TPM4: variants seen among roughly 807,000 people sequenced by gnomAD.
TPM4 encodes tropomyosin alpha-4 chain.
In TPM4, 17 loss-of-function variants were observed where a neutral mutation model predicts 35.8. That is an observed-to-expected ratio of 0.47 (90% CI 0.32 to 0.71). The LOEUF (loss-of-function observed/expected upper bound fraction) is 0.71, where lower values mean the gene tolerates loss of function less well. Among genes scored for constraint, TPM4 ranks in the 30% least tolerant of loss-of-function variants. TPM4 has a pLI of 0.03. For missense variants in TPM4, 240 were observed against 320.9 expected (o/e 0.75, Z 1.93); for synonymous variants, 120 against 122.9 (o/e 0.98, Z 0.15).
At chr19:16,079,736 G>T (rs767319786) in intron 1 of TPM4, 1 of 182,142 alleles carries the variant, frequency 5.5e-6, no homozygotes, top group East Asian at 8.9e-5. Context: ...ATCTTGCTCT[G>T]TTACCCAGGC....
chr19:16,090,813 G>A (rs1012105196), intron 5 of TPM4, among the ~76,000 whole-genome samples: 3 of 148,776 alleles, frequency 2.0e-5, no homozygotes, highest in Non-Finnish European at 4.4e-5. Flanking sequence ...TATCTGTAGT[G>A]TGTGTGTGTA....
intron 3 of TPM4, 95 bp downstream of exon 3, chr19:16,086,635 TC>T: frequency 9.9e-7 from 1 of 1,014,350 alleles, no homozygotes; most frequent in Non-Finnish European, 1.5e-6. Context: ...AAGGAAGCTC[TC>T]GGTTAGGTCA....
upstream of TPM4, chr19:16,076,134 C>T (rs754149474): frequency 9.5e-6 from 15 of 1,579,482 alleles, no homozygotes; most frequent in Middle Eastern, 5.0e-4. Context: ...GAAGGACGCG[C>T]AGGAGAAGCT....
At chr19:16,080,856 C>T (rs1442631679) in intron 1 of TPM4, 2 of 394,352 alleles carry the variant, frequency 5.1e-6, no homozygotes, top group Non-Finnish European at 8.9e-6. Flanking sequence ...TCCAGCCCAG[C>T]ACTTTTTGGC....
chr19:16,086,843 G>A (rs998708825), intron 3 of TPM4, among the ~76,000 whole-genome samples: 20 of 152,188 alleles, frequency 1.3e-4, no homozygotes, highest in African/African-American at 4.8e-4. Flanking sequence ...AAGCCATGGA[G>A]TTTCAGACCA....
In TPM4 at chr19:16,101,488, T is replaced by C. The variant is rs2090763294; in HGVS notation, c.*142T>C. 1 of 553,646 alleles carries C rather than the reference T, an allele frequency of 1.8e-6. No individual in the cohort carries two copies. The highest frequency in any genetic ancestry group is 2.0e-5 in the African/African-American group (1 of 51,280). The allele number at this position is 553,646 out of a possible 1,614,324, so 34.3% of individuals were successfully genotyped here. On this transcript the variant is annotated 3_prime_UTR_variant, in exon 8 of 8. Transcript: ENST00000643579. ...AATTATGAATACATGACCAAATATT[T>C]TGTATCGGAGAAGCTTTGAGCACCA...
At chr19:16,087,396 G>T (rs930366559) in intron 3 of TPM4, among the ~76,000 whole-genome samples, 1 of 152,184 alleles carries the variant, frequency 6.6e-6, no homozygotes, top group African/African-American at 2.4e-5. Context: ...GGCCAACGTG[G>T]TGAAACCCTG....
At chr19:16,092,030 G>T (rs2090633017) in intron 5 of TPM4, among the ~76,000 whole-genome samples, 1 of 151,994 alleles carries the variant, frequency 6.6e-6, no homozygotes, top group Admixed American at 6.6e-5. Flanking sequence ...AATTAGCTGG[G>T]CATGGTGGTG....
chr19:16,074,336 A>T (rs73515769), upstream of TPM4: 1 of 152,212 alleles, frequency 6.6e-6, no homozygotes, highest in Non-Finnish European at 1.5e-5. Flanking sequence ...TGGAGGCTAG[A>T]TGTCCAAGAT....
upstream of TPM4, chr19:16,076,490 C>G (rs1354857060): frequency 4.5e-6 from 6 of 1,340,044 alleles, no homozygotes; most frequent in South Asian, 1.9e-5. Flanking sequence ...GGCCGGGGCG[C>G]GGCTGTGCAG....
At chr19:16,085,460 G>A (rs1053672935) in intron 2 of TPM4, among the ~76,000 whole-genome samples, 2 of 151,956 alleles carry the variant, frequency 1.3e-5, no homozygotes, top group African/African-American at 2.4e-5. Flanking sequence ...CAGCTACTCA[G>A]GAGGCCGAGG....
upstream of TPM4, among the ~76,000 whole-genome samples, chr19:16,073,509 A>C (rs1461709892): frequency 1.3e-5 from 2 of 152,108 alleles, no homozygotes; most frequent in Non-Finnish European, 2.9e-5. Context: ...AGAAAAGGGG[A>C]CGGGGGTCGC....
At chr19:16,097,417 G>C (rs1181130248) in intron 7 of TPM4, among the ~76,000 whole-genome samples, 1 of 152,052 alleles carries the variant, frequency 6.6e-6, no homozygotes, top group Non-Finnish European at 1.5e-5. Context: ...TGGGACTACA[G>C]GCATGCGCCA....
At position 16,102,486 on chromosome 19, in the gene TPM4, GT is replaced by G. The variant is rs1192568515; in HGVS notation, c.*1145del. 1 of 226,718 alleles carries G rather than the reference GT, an allele frequency of 4.4e-6. No individual in the cohort carries two copies. The allele number at this position is 226,718 out of a possible 1,614,324, so 14.0% of individuals were successfully genotyped here. A position where few individuals can be genotyped will look rare whatever the true frequency, so the allele number is the denominator to read the frequency against. The stretch of plus-strand genomic sequence containing the variant: ...AGTCATTACTAAGTTGAGCAAAAGA[GT>G]TTTTATCTATTAGCAGAAAGGGCCT... On this transcript the variant is annotated 3_prime_UTR_variant, in exon 8 of 8. Transcript: ENST00000643579.
chr19:16,069,629 GGTGAGT>G (rs2090335639), intron 2 of TPM4, among the ~76,000 whole-genome samples: 1 of 121,054 alleles, frequency 8.3e-6, no homozygotes, highest in African/African-American at 3.4e-5. Context: ...TGTGTGTGTG[GGTGAGT>G]GTGTGTTTCT....
rs1042176566 is a variant in TPM4, at chr19:16,067,559, C to G, written c.-66C>G. ...GCTCACTCTGCCCCACAGCCACAGC[C>G]CCTGACTGCCGCAGCCCCCACAGAG... On this transcript the variant is annotated 5_prime_UTR_variant, in exon 2 of 3. Coordinates refer to the TPM4 transcript ENST00000589897. This position sits in a 1 kb window ranked among gnomAD's most constrained non-coding sequence, Gnocchi z 4.1. 1 of 1,455,616 alleles carries G rather than the reference C, an allele frequency of 6.9e-7. No individual in the cohort carries two copies. Among genetic ancestry groups the G allele is most frequent in the Admixed American group, 1.8e-5 (1 of 55,532 alleles). 90.2% of individuals were successfully genotyped at this position (1,455,616 alleles called of 1,614,324 possible).
intron 2 of TPM4, chr19:16,068,052 G>A (rs1056619235): frequency 3.5e-5 from 15 of 429,482 alleles, no homozygotes; most frequent in African/African-American, 2.6e-4. Context: ...TTGTGTACTA[G>A]ATAGGGCGGT....
At chr19:16,096,704 G>A (rs73517721) in intron 7 of TPM4, among the ~76,000 whole-genome samples, 3,361 of 152,256 alleles carry the variant, frequency 0.022, 126 homozygotes, top group African/African-American at 0.078. Context: ...TACAAGGAGT[G>A]AACGGGCCTC....
rs1398658647 is a variant in TPM4, at chr19:16,076,646, C to T, written c.81C>T (p.Arg27=). The change falls in exon 1 of 8, where the codon CGC becomes CGT. Residue 27 remains arginine, a synonymous_variant. Transcript: ENST00000643579. ...LQQQADEAED[R]AQGLQRELDG... is the part of the protein sequence containing the mutation. ...AGCAGGCGGACGAGGCGGAAGACCGCGCGCAGGGCCTGCAGCGGGAGCTGG... is the reference window on the plus strand; with the variant it reads ...AGCAGGCGGACGAGGCGGAAGACCGTGCGCAGGGCCTGCAGCGGGAGCTGG... The T allele has an allele frequency of 1.4e-6, 2 of 1,447,112 alleles. No individual in the cohort carries two copies. Among genetic ancestry groups the T allele is most frequent in the Admixed American group, 5.3e-5 (2 of 37,424 alleles). The allele number at this position is 1,447,112 out of a possible 1,614,324, so 89.6% of individuals were successfully genotyped here. A position where few individuals can be genotyped will look rare whatever the true frequency, so the allele number is the denominator to read the frequency against.
Sources: allele counts gnomAD v4.1 joint callset (sites outside exome capture counted in the v4.1 genomes callset), GRCh38; gene constraint gnomAD v4.1.1; non-coding constraint Gnocchi (gnomAD v3.1); transcripts MANE v1.5; gene names NCBI Gene and HGNC (gene_info 2026-07-23, HGNC 2026-07-21).